TBCE: variants seen among roughly 807,000 people sequenced by gnomAD.
The protein encoded by TBCE is tubulin-specific chaperone E.
In TBCE, 53 loss-of-function variants were observed where a neutral mutation model predicts 77.0. The ratio of observed to expected loss-of-function variants is 0.69; its 90% CI spans 0.55 to 0.87. TBCE has a LOEUF of 0.87. Among genes scored for constraint, TBCE ranks in the 40% least tolerant of loss-of-function variants. The pLI is 0.00. For missense variants in TBCE, 624 were observed against 622.4 expected (o/e 1.00, Z -0.03); for synonymous variants, 235 against 241.3 (o/e 0.97, Z 0.24).
intron 1 of TBCE, among the ~76,000 whole-genome samples, chr1:235,371,449 C>G (rs1676948187): frequency 6.7e-6 from 1 of 149,866 alleles, no homozygotes; most frequent in Non-Finnish European, 1.5e-5. Context: ...GATCTTGGCT[C>G]ACTGCAAGCT....
chr1:235,403,208 A>T (rs548462891), intron 3 of TBCE, among the ~76,000 whole-genome samples: 1 of 151,950 alleles, frequency 6.6e-6, no homozygotes, highest in African/African-American at 2.4e-5. Context: ...CAGTGAAAGG[A>T]CTTTTTTCTT....
chr1:235,418,196 T>C (rs1477692281), intron 4 of TBCE, among the ~76,000 whole-genome samples: 1 of 152,218 alleles, frequency 6.6e-6, no homozygotes, highest in Non-Finnish European at 1.5e-5. Flanking sequence ...CGCACAATAT[T>C]GCATTGTATA....
intron 5 of TBCE, among the ~76,000 whole-genome samples, chr1:235,421,108 G>C (rs6679050): frequency 6.6e-6 from 1 of 152,102 alleles, no homozygotes; most frequent in African/African-American, 2.4e-5. Flanking sequence ...GTTGGAGGTA[G>C]GTTAAAAGAA....
At chr1:235,400,312 G>A (rs1043217292) in intron 2 of TBCE, among the ~76,000 whole-genome samples, 1 of 149,550 alleles carries the variant, frequency 6.7e-6, no homozygotes, top group African/African-American at 2.5e-5. Flanking sequence ...CCCACTCCTT[G>A]TATCTTTAGG....
intron 5 of TBCE, 126 bp downstream of exon 5, chr1:235,419,687 G>A: frequency 7.4e-7 from 1 of 1,356,152 alleles, no homozygotes; most frequent in Non-Finnish European, 1.0e-6. Context: ...GTTCAGTTTT[G>A]CTTGGTGTAG....
intron 1 of TBCE, among the ~76,000 whole-genome samples, chr1:235,378,175 G>A (rs565868497): frequency 1.1e-4 from 17 of 152,094 alleles, no homozygotes; most frequent in East Asian, 1.9e-4. Flanking sequence ...GTAACTTGTC[G>A]TTTAAAAATC....
intron 15 of TBCE, among the ~76,000 whole-genome samples, chr1:235,446,714 G>GA (rs1349413355): frequency 2.1e-5 from 3 of 142,860 alleles, no homozygotes; most frequent in African/African-American, 7.7e-5. Flanking sequence ...TTTTTTTTGA[G>GA]ACAGGTTCTC....
At chr1:235,392,000 G>T (rs963586401) in intron 2 of TBCE, among the ~76,000 whole-genome samples, 1 of 151,658 alleles carries the variant, frequency 6.6e-6, no homozygotes, top group African/African-American at 2.4e-5. Context: ...AAAAAAATAC[G>T]TTTTCTTACA....
intron 4 of TBCE, among the ~76,000 whole-genome samples, chr1:235,417,945 T>C (rs1195915848): frequency 6.6e-6 from 1 of 152,008 alleles, no homozygotes. Flanking sequence ...GCCAGGCTAA[T>C]TTTTGTTATT....
rs373999923 is a variant in TBCE at position 235,434,196 on chromosome 1, T to C, written c.661-8T>C. The C allele has an allele frequency of 2.5e-6, 4 of 1,613,984 alleles. No homozygotes were observed. In the African/African-American group the frequency reaches 5.3e-5, roughly 22 times the overall value. On this transcript the variant is annotated splice_polypyrimidine_tract_variant and splice_region_variant and intron_variant, in intron 7 of 16. Transcript: ENST00000642610. ...GCCGCCTGAGCCTGAACCGAGTTTCTCTTCCAGGTGCTGCGGTGTGTCGCG... is the reference window on the plus strand; with the variant it reads ...GCCGCCTGAGCCTGAACCGAGTTTCCCTTCCAGGTGCTGCGGTGTGTCGCG...
chr1:235,402,801 A>G (rs566636632), intron 3 of TBCE, among the ~76,000 whole-genome samples: 3 of 151,882 alleles, frequency 2.0e-5, no homozygotes, highest in Non-Finnish European at 2.9e-5. Flanking sequence ...ATTTAAAAAA[A>G]TAAAAATAAA....
rs1344720787 is a variant in TBCE, at chr1:235,414,436, C to T, written c.189C>T (p.His63=). The T allele has an allele frequency of 5.6e-6, 9 of 1,613,330 alleles. No individual in the cohort carries two copies. The highest frequency in any genetic ancestry group is 2.2e-5 in the East Asian group (1 of 44,852). ...TTCATTTGCTCTTCTTTACCAGGCA[C>T]CCGACAGGAGGATCCTTTATTCGTC... ...HEGTVYFKCR[H]PTGGSFIRPN... Residue 63 remains histidine, a synonymous_variant, in exon 4 of 17, where the codon CAC becomes CAT. Transcript: ENST00000642610.
intron 1 of TBCE, among the ~76,000 whole-genome samples, chr1:235,370,275 A>T (rs1676827110): frequency 7.3e-6 from 1 of 136,454 alleles, no homozygotes; most frequent in African/African-American, 2.8e-5. Flanking sequence ...TTTTTCTGAG[A>T]CGGATTCTTG....
rs527509035 is a variant in TBCE at position 235,449,761 on chromosome 1, G to A, written c.*999G>A. 1 of 154,364 alleles carries A rather than the reference G, an allele frequency of 6.5e-6. No homozygotes were observed. Among genetic ancestry groups the A allele is most frequent in the Non-Finnish European group, 1.4e-5 (1 of 69,494 alleles). The allele number at this position is 154,364 out of a possible 1,614,324, so 9.6% of individuals were successfully genotyped here. A position where few individuals can be genotyped will look rare whatever the true frequency, so the allele number is the denominator to read the frequency against. On this transcript the variant is annotated 3_prime_UTR_variant, in exon 17 of 17. Coordinates refer to ENST00000642610, the MANE Select transcript of TBCE (RefSeq NM_003193.5). The stretch of plus-strand genomic sequence containing the variant: ...TCACATGATCACACAGCATTCCTGT[G>A]AGTTCCTTTTTGTCTGATAATTATC...
At chr1:235,388,283 CTTTTTTT>C (rs908940784) in intron 2 of TBCE, among the ~76,000 whole-genome samples, 1 of 117,334 alleles carries the variant, frequency 8.5e-6, no homozygotes, top group South Asian at 2.8e-4. Flanking sequence ...TCTGTTACTT[CTTTTTTT>C]TTTTTTTTTT....
rs531368581 is a variant in TBCE at position 235,396,257 on chromosome 1, AC to A, written c.101-5244del. On this transcript the variant is annotated intron_variant, in intron 2 of 16. Coordinates refer to ENST00000642610, the MANE Select transcript of TBCE (RefSeq NM_003193.5). ...GTATTTTTAGTAGAGATGGGATTTC[AC>A]CATGTTAGCCAGGATGGTCTCGATC... Among the ~76,000 whole-genome samples, 51 of 151,482 alleles carry A rather than the reference AC, an allele frequency of 3.4e-4. No individual in the cohort carries two copies. The East Asian group carries it at 9.8e-3, about 29-fold the overall frequency.
At chr1:235,385,474 G>A (rs572265266) in intron 2 of TBCE, among the ~76,000 whole-genome samples, 40 of 152,068 alleles carry the variant, frequency 2.6e-4, no homozygotes, top group African/African-American at 9.2e-4. Context: ...AGGTCACTGA[G>A]GACTTGCTTT....
intron 2 of TBCE, among the ~76,000 whole-genome samples, chr1:235,396,063 C>T (rs1678699769): frequency 1.3e-5 from 2 of 150,646 alleles, no homozygotes; most frequent in Non-Finnish European, 3.0e-5. Flanking sequence ...TTTTCTTTTT[C>T]TTTTTTTTTC....
rs766820945 is a variant in TBCE, at chr1:235,414,585, C to T, written c.338C>T (p.Thr113Ile). ...IVTIGNKPVETIGFDSIMKQQ... is the reference protein window; with the variant it reads ...IVTIGNKPVEIIGFDSIMKQQ... ...ACAATTGGAAATAAACCTGTGGAGACTATCGGTTTTGACTCTATTATGAAA... is the reference window on the plus strand; with the variant it reads ...ACAATTGGAAATAAACCTGTGGAGATTATCGGTTTTGACTCTATTATGAAA... Residue 113 changes from threonine to isoleucine, a missense_variant, in exon 4 of 17, where the codon ACT (threonine) becomes ATT (isoleucine). Physicochemically the swap from Thr to Ile is moderately conservative, Grantham distance 89. Coordinates refer to ENST00000642610, the MANE Select transcript of TBCE (RefSeq NM_003193.5). The T allele has an allele frequency of 6.2e-7, 1 of 1,613,744 alleles. No homozygotes were observed. Among genetic ancestry groups the T allele is most frequent in the South Asian group, 1.1e-5 (1 of 91,072 alleles).
Sources: gnomAD v4.1 joint callset for allele counts (sites outside exome capture counted in the v4.1 genomes callset) on GRCh38, gnomAD v4.1.1 for gene constraint, MANE v1.5 for transcripts, NCBI Gene and HGNC (gene_info 2026-07-23, HGNC 2026-07-21) for gene names.